Variants in SCCPDH observed in about 807,000 individuals in gnomAD.
SCCPDH encodes the protein saccharopine dehydrogenase (putative).
Under a neutral mutation model 51.5 loss-of-function variants are expected in SCCPDH, and 34 were observed. That is an observed-to-expected ratio of 0.66 (90% CI 0.50 to 0.88). SCCPDH has a LOEUF of 0.88. Ranked by LOEUF, SCCPDH falls within the 40% of genes least tolerant of loss-of-function variation. The pLI is 0.00. For synonymous variants in SCCPDH, 187 were observed against 191.3 expected, an observed-to-expected ratio of 0.98 and a Z score of 0.19; for missense variants, 464 against 527.1, an observed-to-expected ratio of 0.88 and a Z score of 1.17.
chr1:246,746,320 C>T lies in SCCPDH; in HGVS notation c.564+2195C>T, dbSNP rs567911875. The stretch of plus-strand genomic sequence containing the variant: ...GGGCTGCATGCACCGGCAATCAGAA[C>T]GGAACAGAACAGGACAGGGATTTTC... On this transcript the variant is annotated intron_variant, in intron 5 of 11. Coordinates refer to ENST00000366510, the MANE Select transcript of SCCPDH (RefSeq NM_016002.3). Among the ~76,000 whole-genome samples, 123 of 152,062 alleles carry T rather than the reference C, an allele frequency of 8.1e-4. 2 individuals are homozygous for T. The East Asian group carries it at 0.018, about 22-fold the overall frequency.
chr1:246,757,336 C>T (rs1490498282), intron 5 of SCCPDH, among the ~76,000 whole-genome samples: 1 of 123,166 alleles, frequency 8.1e-6, no homozygotes, highest in Admixed American at 9.0e-5. Flanking sequence ...AAGAGCAAGA[C>T]TCTGTCTCAA....
intron 4 of SCCPDH, among the ~76,000 whole-genome samples, chr1:246,741,160 T>A (rs1236874625): frequency 6.6e-6 from 1 of 151,990 alleles, no homozygotes; most frequent in East Asian, 1.9e-4. Context: ...CCATATAAAG[T>A]GTTCTAGACT....
At position 246,757,559 on chromosome 1, in the gene SCCPDH, G is replaced by A. The variant is rs372030512; in HGVS notation, c.565-667G>A. Among the ~76,000 whole-genome samples, 57 of 152,074 alleles carry A rather than the reference G, an allele frequency of 3.7e-4. No individual in the cohort carries two copies. In the East Asian group the frequency reaches 4.7e-3, roughly 12 times the overall value. On this transcript the variant is annotated intron_variant, in intron 5 of 11. Transcript: ENST00000366510. ...TAAATGAGAGTCTGAGTAAGATCAG[G>A]CAAATACTAAGGACTCTGTACTGGC...
At chr1:246,753,821 A>G (rs1474913708) in intron 5 of SCCPDH, among the ~76,000 whole-genome samples, 1 of 151,820 alleles carries the variant, frequency 6.6e-6, no homozygotes, top group African/African-American at 2.4e-5. Context: ...TAACGCTCGT[A>G]GTGAGTGGGC....
Position 246,726,922 on chromosome 1 carries a change from T to G in SCCPDH, c.221T>G (p.Ile74Ser), listed in dbSNP as rs1668408001. 2 of 1,614,084 alleles carry G rather than the reference T, an allele frequency of 1.2e-6. No homozygotes were observed. The highest frequency in any genetic ancestry group is 1.7e-6 in the Non-Finnish European group (2 of 1,179,908). The change falls in exon 2 of 12, where the codon ATC becomes AGC. Residue 74 changes from isoleucine (I) to serine (S), a missense_variant. By Grantham distance (142) the Ile-to-Ser change is moderately radical (BLOSUM62 -2). Transcript: ENST00000366510. ...CCAACACTGTCATCTGAAGTTGGAA[T>G]CATCATCTGTGATATTGCTAATCCA... is the stretch of plus-strand genomic sequence containing the variant. ...GRPTLSSEVG[I>S]IICDIANPAS...
intron 5 of SCCPDH, among the ~76,000 whole-genome samples, chr1:246,754,032 T>G (rs1668893815): frequency 6.6e-6 from 1 of 152,066 alleles, no homozygotes; most frequent in Non-Finnish European, 1.5e-5. Context: ...CTTGGGGTAT[T>G]TCCCATATTG....
At chr1:246,757,398 G>A (rs1407431980) in intron 5 of SCCPDH, among the ~76,000 whole-genome samples, 3 of 150,664 alleles carry the variant, frequency 2.0e-5, no homozygotes, top group East Asian at 3.9e-4. Context: ...TTCAGAGGTC[G>A]TGTCCTCTCC....
rs1273744287 is a variant in SCCPDH at position 246,767,202 on chromosome 1, G to T, written c.1192G>T (p.Val398Phe). 3 of 1,607,636 alleles carry T rather than the reference G, an allele frequency of 1.9e-6. No individual in the cohort carries two copies. The highest frequency in any genetic ancestry group is 2.2e-5 in the East Asian group (1 of 44,580). ...DASHLPKAGG[V>F]FTPGAAFSKT... ...CTTGTTATTGTTTTATAGGGGCGGG[G>T]TCTTCACACCTGGAGCAGCTTTTTC... The change falls in exon 12 of 12, where the codon GTC (valine) becomes TTC (phenylalanine). Residue 398 changes from valine (V) to phenylalanine (F), a missense_variant. Val to Phe is a conservative substitution (Grantham distance 50). Transcript: ENST00000366510.
At chr1:246,747,846 T>G (rs1668784616) in intron 5 of SCCPDH, among the ~76,000 whole-genome samples, 1 of 152,074 alleles carries the variant, frequency 6.6e-6, no homozygotes, top group African/African-American at 2.4e-5. Flanking sequence ...TGATAGAGGC[T>G]AGGAGGGGGT....
At chr1:246,732,240 G>C (rs1041384373) in intron 2 of SCCPDH, among the ~76,000 whole-genome samples, 3 of 152,082 alleles carry the variant, frequency 2.0e-5, no homozygotes, top group Admixed American at 2.0e-4. Context: ...ACCAGTTAGG[G>C]CCTATTTATA....
intron 5 of SCCPDH, among the ~76,000 whole-genome samples, chr1:246,754,301 T>C (rs973536558): frequency 1.4e-3 from 209 of 152,310 alleles, no homozygotes; most frequent in African/African-American, 4.8e-3. Context: ...CCGGGTTTAT[T>C]TGTCACACCC....
Position 246,724,500 on chromosome 1 carries a change from G to A in SCCPDH, c.78G>A (p.Glu26=), listed in dbSNP as rs374385172. 1.3e-4 allele frequency: 212 copies of A among 1,578,172 alleles called. No individual in the cohort carries two copies. In the African/African-American group the frequency reaches 2.0e-3, roughly 15 times the overall value. The change falls in exon 1 of 12, where the codon GAG becomes GAA. Residue 26 remains glutamate, a synonymous_variant. Transcript: ENST00000366510. Reference sequence around the variant, plus strand: ...TCACCGGCCAGTTCGTGACCGAGGAGGTGGCCCGGGAGCAGGTGGACCCGG... The same window carrying A: ...TCACCGGCCAGTTCGTGACCGAGGAAGTGGCCCGGGAGCAGGTGGACCCGG... ...SGFTGQFVTE[E]VAREQVDPER...
At chr1:246,744,016 T>C in intron 4 of SCCPDH, 60 bp from the exon 5 acceptor site, 4 of 1,008,648 alleles carry the variant, frequency 4.0e-6, no homozygotes, top group Non-Finnish European at 4.6e-6. Flanking sequence ...TATTATTACT[T>C]ACCCCAAATA....
chr1:246,744,646 C>T (rs1363964538), intron 5 of SCCPDH, among the ~76,000 whole-genome samples: 1 of 151,808 alleles, frequency 6.6e-6, no homozygotes, highest in Admixed American at 6.6e-5. Flanking sequence ...GACAGAGTCT[C>T]ACTCTGTTGC....
At chr1:246,737,085 CAT>C (rs1259199522) in intron 3 of SCCPDH, among the ~76,000 whole-genome samples, 2 of 152,142 alleles carry the variant, frequency 1.3e-5, no homozygotes, top group South Asian at 4.1e-4. Context: ...ATGGTAACCT[CAT>C]GTGTCTCTGT....
intron 1 of SCCPDH, among the ~76,000 whole-genome samples, chr1:246,724,836 T>A (rs1160414154): frequency 3.3e-5 from 5 of 152,062 alleles, no homozygotes; most frequent in Non-Finnish European, 7.4e-5. Flanking sequence ...ACACACACAT[T>A]TTTTTTTCTT....
In SCCPDH at chr1:246,758,346, T is replaced by C; in HGVS notation, c.685T>C (p.Leu229=). ...ACCTGTCCCGCTCATTGGTCCAAAATTGAAGAGAAGGTAAATTAACTTAAA... is the reference window on the plus strand; with the variant it reads ...ACCTGTCCCGCTCATTGGTCCAAAACTGAAGAGAAGGTAAATTAACTTAAA... The part of the protein sequence containing the change: ...LKPVPLIGPK[L]KRRWPISYCR... Residue 229 remains leucine, a synonymous_variant, in exon 6 of 12, where the codon TTG becomes CTG. Coordinates refer to ENST00000366510, the MANE Select transcript of SCCPDH (RefSeq NM_016002.3). The C allele has an allele frequency of 6.2e-7, 1 of 1,601,986 alleles. No homozygotes were observed. The highest frequency in any genetic ancestry group is 8.5e-7 in the Non-Finnish European group (1 of 1,175,558).
intron 2 of SCCPDH, among the ~76,000 whole-genome samples, chr1:246,729,482 C>T (rs11807753): frequency 0.22 from 33,309 of 152,116 alleles, 4,015 homozygotes; most frequent in East Asian, 0.3. Flanking sequence ...TTCTCCTATT[C>T]GCTTTCTGCA....
chr1:246,759,966 G>A lies in SCCPDH; in HGVS notation c.823G>A (p.Ala275Thr). 1.2e-6 allele frequency: 2 copies of A among 1,611,414 alleles called. No individual in the cohort carries two copies. Residue 275 changes from alanine (A) to threonine (T), a missense_variant, in exon 8 of 12, where the codon GCT (alanine) becomes ACT (threonine). Transcript: ENST00000366510. ...ENLEESPVQY[A>T]AYVTVGGITS... Reference sequence around the variant, plus strand: ...CTTCTCCATCATCTAGGTTCAGTATGCTGCGTATGTAACTGTGGGAGGCAT... The same window carrying A: ...CTTCTCCATCATCTAGGTTCAGTATACTGCGTATGTAACTGTGGGAGGCAT...
Sources: allele counts gnomAD v4.1 joint callset (sites outside exome capture counted in the v4.1 genomes callset), GRCh38; gene constraint gnomAD v4.1.1; transcripts MANE v1.5; gene names NCBI Gene and HGNC (gene_info 2026-07-23, HGNC 2026-07-21).